The following SLC16A12 variants were observed in gnomAD, a reference collection of about 807,000 sequenced individuals.
SLC16A12 encodes solute carrier family 16 member 12, also known as monocarboxylate transporter 12.
A neutral mutation model predicts 42.4 loss-of-function variants in SLC16A12; 17 were observed. The observed-to-expected ratio is 0.40, with a 90% CI of 0.27 to 0.60. The LOEUF (loss-of-function observed/expected upper bound fraction) is 0.60. Ranked by LOEUF, SLC16A12 falls within the 20% of genes least tolerant of loss-of-function variation. SLC16A12 has a pLI of 0.42. For missense variants in SLC16A12, 544 were observed against 623.0 expected (o/e 0.87, Z 1.35); for synonymous variants, 224 against 229.4 (o/e 0.98, Z 0.21).
In SLC16A12 at chr10:89,517,765, C is replaced by T. The variant is rs546562677; in HGVS notation, c.-47+16736G>A. ...GATATTTATATAAAACTTCACAGTT[C>T]ACAGGAGGTAGCCACTATCTCAACA... On this transcript the variant is annotated intron_variant, in intron 2 of 7. Transcript: ENST00000371790. 3.3e-5 allele frequency among the ~76,000 whole-genome samples: 5 copies of T among 152,284 alleles called. No individual in the cohort carries two copies. The East Asian group carries it at 9.6e-4, about 29-fold the overall frequency.
chr10:89,497,467 A>G (rs1320790490), intron 2 of SLC16A12, among the ~76,000 whole-genome samples: 1 of 152,218 alleles, frequency 6.6e-6, no homozygotes, highest in Non-Finnish European at 1.5e-5. Flanking sequence ...GAACTCAAAG[A>G]CCAGGTCTTT....
upstream of SLC16A12, among the ~76,000 whole-genome samples, chr10:89,539,857 T>TTTTCTTTCTTC (rs1554833985): frequency 2.0e-4 from 26 of 127,956 alleles, no homozygotes; most frequent in African/African-American, 5.2e-4. Flanking sequence ...AGAAACAAAT[T>TTTTCTTTCTTC]TTTCTTTCTT....
At chr10:89,506,908 G>C (rs1843071802) in intron 2 of SLC16A12, among the ~76,000 whole-genome samples, 1 of 152,022 alleles carries the variant, frequency 6.6e-6, no homozygotes, top group African/African-American at 2.4e-5. Context: ...GAAAAACGCA[G>C]CATAAGAACT....
At position 89,502,047 on chromosome 10, in the gene SLC16A12, A is replaced by T. The variant is rs189417839; in HGVS notation, c.-47+32454T>A. On this transcript the variant is annotated intron_variant, in intron 2 of 7. Coordinates refer to ENST00000371790, the MANE Select transcript of SLC16A12 (RefSeq NM_213606.4). ...ATCCTTACTGTGTTGCTTTTAAGTT[A>T]TCTAGTTTGGCTGCTGACACAGCCC... Among the ~76,000 whole-genome samples the T allele has an allele frequency of 3.9e-5, 6 of 152,300 alleles. No individual in the cohort carries two copies. In the East Asian group the frequency reaches 1.2e-3, roughly 29 times the overall value.
chr10:89,448,728 T>C (rs1238998399), intron 3 of SLC16A12, among the ~76,000 whole-genome samples: 1 of 152,180 alleles, frequency 6.6e-6, no homozygotes, highest in Non-Finnish European at 1.5e-5. Flanking sequence ...ACCACTCCTA[T>C]TTAACATAGT....
chr10:89,432,986 A>G lies in SLC16A12; in HGVS notation c.*78T>C. On this transcript the variant is annotated 3_prime_UTR_variant, in exon 8 of 8. Transcript: ENST00000371790. Reference sequence around the variant, plus strand: ...TGGAAGGCAATCCTTCTGCCAAAATAAAAAGTTTCAGAAACATGAAGAATC... The same window carrying G: ...TGGAAGGCAATCCTTCTGCCAAAATGAAAAGTTTCAGAAACATGAAGAATC... 1 of 1,569,814 alleles carries G rather than the reference A, an allele frequency of 6.4e-7. No individual in the cohort carries two copies. The highest frequency in any genetic ancestry group is 8.6e-7 in the Non-Finnish European group (1 of 1,162,314).
At chr10:89,505,789 A>G (rs111795529) in intron 2 of SLC16A12, among the ~76,000 whole-genome samples, 8,026 of 152,286 alleles carry the variant, frequency 0.053, 428 homozygotes, top group African/African-American at 0.13. Context: ...TGCCTGGCTC[A>G]GCAGGTTCCA....
chr10:89,503,667 T>C (rs1007407818), intron 2 of SLC16A12, among the ~76,000 whole-genome samples: 1 of 151,646 alleles, frequency 6.6e-6, no homozygotes, highest in African/African-American at 2.4e-5. Flanking sequence ...TCAAGAAGGG[T>C]GGGTGTTTTC....
intron 3 of SLC16A12, among the ~76,000 whole-genome samples, chr10:89,459,823 C>G (rs1842266202): frequency 1.3e-5 from 2 of 152,118 alleles, no homozygotes; most frequent in Non-Finnish European, 2.9e-5. Flanking sequence ...CACCTGTAAT[C>G]CCATCTATTC....
chr10:89,505,866 A>G (rs892940303), intron 2 of SLC16A12, among the ~76,000 whole-genome samples: 2 of 152,184 alleles, frequency 1.3e-5, no homozygotes, highest in African/African-American at 4.8e-5. Context: ...CAGCAGTCTG[A>G]GATCGACTTG....
intron 2 of SLC16A12, among the ~76,000 whole-genome samples, chr10:89,470,621 C>T (rs545150060): frequency 6.8e-4 from 103 of 152,310 alleles, no homozygotes; most frequent in Middle Eastern, 3.4e-3. Context: ...GGCAAAAGTG[C>T]TAAGCCAGAT....
At chr10:89,537,149 T>TC (rs1564604016), upstream of SLC16A12, among the ~76,000 whole-genome samples, 495 of 97,694 alleles carry the variant, frequency 5.1e-3, 18 homozygotes, top group South Asian at 0.097. Flanking sequence ...AGGTATGTTT[T>TC]TTTTTTTTTT....
chr10:89,487,758 G>A (rs890956776), intron 2 of SLC16A12, among the ~76,000 whole-genome samples: 1 of 142,500 alleles, frequency 7.0e-6, no homozygotes, highest in South Asian at 2.2e-4. Flanking sequence ...TTTGCTGTGA[G>A]CTGAGATCAC....
intron 2 of SLC16A12, among the ~76,000 whole-genome samples, chr10:89,515,129 C>CA (rs58069790): frequency 2.2e-3 from 142 of 65,076 alleles, no homozygotes; most frequent in East Asian, 5.5e-3. Context: ...CAAAACAAAA[C>CA]AAAAAAAAAA....
chr10:89,505,689 G>A (rs1201662013), intron 2 of SLC16A12, among the ~76,000 whole-genome samples: 1 of 152,164 alleles, frequency 6.6e-6, no homozygotes, highest in South Asian at 2.1e-4. Context: ...AGCCATGAGA[G>A]ACTGTACCAG....
At chr10:89,438,011 T>C (rs371606011) in intron 6 of SLC16A12, among the ~76,000 whole-genome samples, 1 of 152,206 alleles carries the variant, frequency 6.6e-6, no homozygotes, top group African/African-American at 2.4e-5. Flanking sequence ...CCTTTTTCCA[T>C]TGCCAGTCAG....
intron 3 of SLC16A12, among the ~76,000 whole-genome samples, chr10:89,458,120 A>G (rs1023912617): frequency 9.9e-5 from 15 of 152,254 alleles, no homozygotes; most frequent in African/African-American, 3.4e-4. Flanking sequence ...TTAAAGAACC[A>G]GCATCCATTT....
At chr10:89,550,380 G>A (rs931146728) in intron 2 of SLC16A12, among the ~76,000 whole-genome samples, 1 of 152,110 alleles carries the variant, frequency 6.6e-6, no homozygotes, top group African/African-American at 2.4e-5. Flanking sequence ...TTAGACGGGT[G>A]TGGTGGCAGG....
intron 2 of SLC16A12, among the ~76,000 whole-genome samples, chr10:89,552,261 G>T (rs1385699306): frequency 6.6e-6 from 1 of 152,094 alleles, no homozygotes; most frequent in East Asian, 1.9e-4. Flanking sequence ...ATGTTGATTT[G>T]TAAGTACAAA....
Sources: gnomAD v4.1 joint callset for allele counts (sites outside exome capture counted in the v4.1 genomes callset) on GRCh38, gnomAD v4.1.1 for gene constraint, MANE v1.5 for transcripts, NCBI Gene and HGNC (gene_info 2026-07-23, HGNC 2026-07-21) for gene names.